Variants in ZMAT4 observed in about 807,000 individuals in gnomAD.
The protein encoded by ZMAT4 is zinc finger matrin-type protein 4.
A neutral mutation model predicts 28.7 loss-of-function variants in ZMAT4; 17 were observed. That is an observed-to-expected ratio of 0.59 (90% CI 0.41 to 0.89). The LOEUF (loss-of-function observed/expected upper bound fraction) is 0.89. Ranked by LOEUF, ZMAT4 falls within the 40% of genes least tolerant of loss-of-function variation. ZMAT4 has a pLI of 0.00. For missense variants in ZMAT4, 240 were observed against 283.8 expected (o/e 0.85, Z 1.11); for synonymous variants, 117 against 109.2 (o/e 1.07, Z -0.44).
chr8:40,688,353 G>A (rs559631915), intron 4 of ZMAT4, among the ~76,000 whole-genome samples: 3 of 152,250 alleles, frequency 2.0e-5, no homozygotes, highest in Non-Finnish European at 4.4e-5. Context: ...CTGCTCGGGA[G>A]GCTGAGGCAG....
Position 40,791,476 on chromosome 8 carries a change from T to G in ZMAT4, c.103-23746A>C, listed in dbSNP as rs568133104. ...TATACTATCAATAGCCCATCTCCTC[T>G]GATCCTCCAAAAACCCTAAGGCTCA... is the stretch of plus-strand genomic sequence containing the variant. On this transcript the variant is annotated intron_variant, in intron 2 of 6. Coordinates refer to ENST00000297737, the MANE Select transcript of ZMAT4 (RefSeq NM_024645.3). 2.0e-5 allele frequency among the ~76,000 whole-genome samples: 3 copies of G among 152,324 alleles called. No individual in the cohort carries two copies. In the South Asian group the frequency reaches 6.2e-4, roughly 32 times the overall value.
At chr8:40,606,709 A>G (rs1192874911) in intron 5 of ZMAT4, among the ~76,000 whole-genome samples, 1 of 152,096 alleles carries the variant, frequency 6.6e-6, no homozygotes, top group African/African-American at 2.4e-5. Flanking sequence ...AGCTTCTTGT[A>G]TTTGAATGTC....
chr8:40,672,355 T>C (rs1808710542), intron 5 of ZMAT4, among the ~76,000 whole-genome samples: 1 of 152,150 alleles, frequency 6.6e-6, no homozygotes, highest in African/African-American at 2.4e-5. Flanking sequence ...AGTGCTGGGT[T>C]ACCATAGTTG....
chr8:40,874,332 C>A (rs987945682), intron 1 of ZMAT4, among the ~76,000 whole-genome samples: 1 of 152,198 alleles, frequency 6.6e-6, no homozygotes, highest in Non-Finnish European at 1.5e-5. Context: ...AACCTCCTGG[C>A]AAGAGTTAAC....
At chr8:40,594,462 G>A (rs1805020361) in intron 5 of ZMAT4, among the ~76,000 whole-genome samples, 1 of 152,150 alleles carries the variant, frequency 6.6e-6, no homozygotes, top group Non-Finnish European at 1.5e-5. Context: ...TTTTCATTGA[G>A]AGGAGCTCCC....
At chr8:40,713,795 G>T (rs1563429985) in intron 3 of ZMAT4, among the ~76,000 whole-genome samples, 1 of 151,486 alleles carries the variant, frequency 6.6e-6, no homozygotes, top group Non-Finnish European at 1.5e-5. Flanking sequence ...TGTAATCCCA[G>T]CTACTTGAGA....
At chr8:40,626,119 A>G (rs1347661751) in intron 5 of ZMAT4, among the ~76,000 whole-genome samples, 1 of 132,846 alleles carries the variant, frequency 7.5e-6, no homozygotes, top group African/African-American at 2.6e-5. Context: ...TCAGAAAAAA[A>G]AAAAAAAAAA....
intron 6 of ZMAT4, among the ~76,000 whole-genome samples, chr8:40,571,547 GCTGT>G (rs1804099122): frequency 1.3e-5 from 2 of 152,158 alleles, no homozygotes; most frequent in African/African-American, 4.8e-5. Context: ...TGGCCCAAAG[GCTGT>G]GACACAGCCT....
intron 3 of ZMAT4, among the ~76,000 whole-genome samples, chr8:40,727,683 A>G (rs1251495639): frequency 6.6e-6 from 1 of 152,202 alleles, no homozygotes; most frequent in Non-Finnish European, 1.5e-5. Flanking sequence ...AGAGATGAAC[A>G]AGTTATAATC....
chr8:40,539,139 T>G (rs1048943909), intron 6 of ZMAT4, among the ~76,000 whole-genome samples: 2 of 152,202 alleles, frequency 1.3e-5, no homozygotes, highest in Non-Finnish European at 2.9e-5. Context: ...CATGTCACAT[T>G]GCAATATTTT....
At chr8:40,589,302 T>C (rs1804773809) in intron 5 of ZMAT4, among the ~76,000 whole-genome samples, 1 of 152,196 alleles carries the variant, frequency 6.6e-6, no homozygotes, top group Admixed American at 6.5e-5. Flanking sequence ...GAGTTGGGTT[T>C]TGAACCCACA....
intron 3 of ZMAT4, among the ~76,000 whole-genome samples, chr8:40,708,491 T>A (rs1171262409): frequency 6.6e-6 from 1 of 150,398 alleles, no homozygotes. Flanking sequence ...TGGGGGAGAG[T>A]GGAGCTAATA....
At chr8:40,741,226 C>T (rs1469662489) in intron 3 of ZMAT4, among the ~76,000 whole-genome samples, 3 of 152,064 alleles carry the variant, frequency 2.0e-5, no homozygotes, top group African/African-American at 7.2e-5. Context: ...GGGTGGATCA[C>T]CTGAGGTCAG....
intron 4 of ZMAT4, among the ~76,000 whole-genome samples, chr8:40,690,457 C>G (rs1341023790): frequency 6.6e-6 from 1 of 152,192 alleles, no homozygotes; most frequent in Non-Finnish European, 1.5e-5. Flanking sequence ...GATGATGCCT[C>G]AGAACATGCC....
intron 1 of ZMAT4, among the ~76,000 whole-genome samples, chr8:40,881,495 G>GAAAGAAAGAA (rs1818241647): frequency 7.7e-6 from 1 of 129,368 alleles, no homozygotes; most frequent in Non-Finnish European, 1.6e-5. Context: ...AAGAAAGAAA[G>GAAAGAAAGAA]AAAGAGGAAG....
intron 1 of ZMAT4, among the ~76,000 whole-genome samples, chr8:40,854,639 C>T (rs758416350): frequency 1.3e-5 from 2 of 152,062 alleles, no homozygotes; most frequent in African/African-American, 2.4e-5. Flanking sequence ...GAGAATGGTC[C>T]CCTGACCTAA....
At chr8:40,618,846 A>T (rs1806105230) in intron 5 of ZMAT4, among the ~76,000 whole-genome samples, 1 of 152,220 alleles carries the variant, frequency 6.6e-6, no homozygotes, top group African/African-American at 2.4e-5. Context: ...CCCAGAAGCG[A>T]TGGATTCAAG....
intron 1 of ZMAT4, among the ~76,000 whole-genome samples, chr8:40,841,797 C>G (rs1458880992): frequency 6.6e-6 from 1 of 152,236 alleles, no homozygotes; most frequent in East Asian, 1.9e-4. Context: ...CTAGTGTAAT[C>G]TATTGCTTCC....
intron 5 of ZMAT4, among the ~76,000 whole-genome samples, chr8:40,649,519 G>GA (rs1274961264): frequency 6.6e-6 from 1 of 152,096 alleles, no homozygotes; most frequent in African/African-American, 2.4e-5. Flanking sequence ...AGATCAACGA[G>GA]ACAGAAAGTC....
Sources: allele counts gnomAD v4.1 joint callset (sites outside exome capture counted in the v4.1 genomes callset), GRCh38; gene constraint gnomAD v4.1.1; transcripts MANE v1.5; gene names NCBI Gene and HGNC (gene_info 2026-07-23, HGNC 2026-07-21).